TENM3: variants seen among roughly 807,000 people sequenced by gnomAD.
TENM3 encodes the protein teneurin transmembrane protein 3.
Under a neutral mutation model 255.1 loss-of-function variants are expected in TENM3, and 63 were observed. That is an observed-to-expected ratio of 0.25 (90% CI 0.20 to 0.30). The LOEUF (loss-of-function observed/expected upper bound fraction) is 0.30, where lower values mean the gene tolerates loss of function less well. Ranked by LOEUF, TENM3 falls within the 10% of genes least tolerant of loss-of-function variation. The pLI, the probability that TENM3 is intolerant of heterozygous loss-of-function variation, is 1.00. For missense variants in TENM3, 2,929 were observed against 3,461.1 expected (o/e 0.85, Z 3.86); for synonymous variants, 1,306 against 1,322.3 (o/e 0.99, Z 0.27).
At chr4:182,746,216 CCCGTGGT>C (rs1169490195) in intron 19 of TENM3, among the ~76,000 whole-genome samples, 1 of 152,118 alleles carries the variant, frequency 6.6e-6, no homozygotes, top group Admixed American at 6.6e-5. Flanking sequence ...CTTAATCATA[CCCGTGGT>C]CCGTGGTTTC....
intron 11 of TENM3, among the ~76,000 whole-genome samples, chr4:182,682,991 G>C (rs1210721602): frequency 2.6e-5 from 4 of 152,282 alleles, no homozygotes; most frequent in East Asian, 1.9e-4. Context: ...TGAGTATTCA[G>C]AGTTTTCAAG....
At chr4:182,088,830 T>G in the TENM3 span, among the ~76,000 whole-genome samples, 1 of 137,856 alleles carries the variant, frequency 7.3e-6, no homozygotes, top group African/African-American at 2.7e-5. Context: ...CGAGACTCCA[T>G]CTCTAAAGAA....
chr4:182,237,096 G>A (rs1299661694), intron 1 of TENM3, among the ~76,000 whole-genome samples: 7 of 152,142 alleles, frequency 4.6e-5, no homozygotes, highest in Admixed American at 4.6e-4. Flanking sequence ...GTGAGAACAG[G>A]CAGTGTTTGG....
the TENM3 span, among the ~76,000 whole-genome samples, chr4:181,930,974 G>A: frequency 1.3e-5 from 2 of 152,126 alleles, no homozygotes; most frequent in Admixed American, 1.3e-4. Flanking sequence ...ACCTCTTCAT[G>A]CTAAAAACTC....
chr4:182,250,287 C>T (rs918351899), intron 1 of TENM3, among the ~76,000 whole-genome samples: 1 of 151,994 alleles, frequency 6.6e-6, no homozygotes, highest in African/African-American at 2.4e-5. Context: ...CTCCTGACCT[C>T]ATGATCCACC....
At chr4:181,587,224 C>T in the TENM3 span, among the ~76,000 whole-genome samples, 1 of 152,178 alleles carries the variant, frequency 6.6e-6, no homozygotes, top group African/African-American at 2.4e-5. Context: ...ACAGACCCTT[C>T]CCAATTTAAC....
the TENM3 span, among the ~76,000 whole-genome samples, chr4:181,665,361 T>C: frequency 0.15 from 23,156 of 152,200 alleles, 2,183 homozygotes; most frequent in East Asian, 0.22. Flanking sequence ...AGTCTTCCTC[T>C]CTTTTTCTCC....
At chr4:182,206,511 C>G (rs72696047) in intron 1 of TENM3, among the ~76,000 whole-genome samples, 1 of 152,136 alleles carries the variant, frequency 6.6e-6, no homozygotes, top group Admixed American at 6.5e-5. Context: ...TCGCCCTACC[C>G]GCTTACCTAA....
chr4:181,606,116 T>C, the TENM3 span, among the ~76,000 whole-genome samples: 2 of 152,154 alleles, frequency 1.3e-5, no homozygotes, highest in Non-Finnish European at 2.9e-5. Flanking sequence ...ACATCCTATA[T>C]ACACCTGCTT....
chr4:181,496,616 T>A, the TENM3 span, among the ~76,000 whole-genome samples: 22 of 152,298 alleles, frequency 1.4e-4, no homozygotes, highest in African/African-American at 5.3e-4. Context: ...AATCATAGTT[T>A]ATCTGAATTC....
At chr4:182,109,254 CAT>C in the TENM3 span, among the ~76,000 whole-genome samples, 54 of 147,908 alleles carry the variant, frequency 3.7e-4, no homozygotes, top group Admixed American at 7.5e-4. Flanking sequence ...CTCTATATAA[CAT>C]ATTCATATTA....
intron 5 of TENM3, among the ~76,000 whole-genome samples, chr4:182,651,060 A>G (rs897158387): frequency 2.6e-5 from 4 of 152,032 alleles, no homozygotes; most frequent in Admixed American, 1.3e-4. Flanking sequence ...AAAACCGATA[A>G]TGTGAGCAAA....
At chr4:182,779,032 A>T (rs2152806311) in intron 24 of TENM3, among the ~76,000 whole-genome samples, 1 of 145,596 alleles carries the variant, frequency 6.9e-6, no homozygotes. Context: ...ACTAAGAACA[A>T]TGTGTTCTTT....
the TENM3 span, among the ~76,000 whole-genome samples, chr4:181,731,583 G>C: frequency 6.6e-6 from 1 of 152,056 alleles, no homozygotes; most frequent in Admixed American, 6.6e-5. Context: ...AAACTTCTGA[G>C]CTCAAGCGAT....
chr4:181,743,605 C>T, the TENM3 span, among the ~76,000 whole-genome samples: 21 of 152,030 alleles, frequency 1.4e-4, no homozygotes, highest in Non-Finnish European at 2.1e-4. Context: ...GCGAATGCAG[C>T]AGAGGGGCTC....
chr4:182,627,369 G>A (rs1366589913), intron 4 of TENM3, among the ~76,000 whole-genome samples: 3 of 152,092 alleles, frequency 2.0e-5, no homozygotes, highest in Non-Finnish European at 4.4e-5. Flanking sequence ...GTGGTTAGGT[G>A]GAATTTGAAC....
the TENM3 span, among the ~76,000 whole-genome samples, chr4:181,943,535 T>C: frequency 6.6e-6 from 1 of 152,194 alleles, no homozygotes; most frequent in African/African-American, 2.4e-5. Context: ...TCCATGCCAA[T>C]TCAATATATA....
intron 12 of TENM3, among the ~76,000 whole-genome samples, chr4:182,699,645 C>T (rs1404296745): frequency 6.6e-6 from 1 of 151,926 alleles, no homozygotes; most frequent in Non-Finnish European, 1.5e-5. Context: ...AACCGCATGC[C>T]TCATGTTAAG....
intron 13 of TENM3, among the ~76,000 whole-genome samples, chr4:182,720,351 G>A (rs1357907016): frequency 6.6e-6 from 1 of 151,776 alleles, no homozygotes; most frequent in African/African-American, 2.4e-5. Context: ...AAAGGAAGCG[G>A]GGGAGAGGGA....
Sources: allele counts gnomAD v4.1 joint callset (sites outside exome capture counted in the v4.1 genomes callset), GRCh38; gene constraint gnomAD v4.1.1; transcripts MANE v1.5; gene names NCBI Gene and HGNC (gene_info 2026-07-23, HGNC 2026-07-21).